The following TLN2 variants were observed in gnomAD, a reference collection of about 807,000 sequenced individuals.
The protein encoded by TLN2 is talin-2.
A neutral mutation model predicts 294.7 loss-of-function variants in TLN2; 118 were observed. That is an observed-to-expected ratio of 0.40 (90% CI 0.34 to 0.47). The LOEUF (loss-of-function observed/expected upper bound fraction) is 0.47. Ranked by LOEUF, TLN2 falls within the 20% of genes least tolerant of loss-of-function variation. The pLI is 0.84. For missense variants in TLN2, 3,083 were observed against 3,282.2 expected (o/e 0.94, Z 1.48); for synonymous variants, 1,431 against 1,304.5 (o/e 1.10, Z -2.09).
chr15:62,752,846 G>A (rs961139401), intron 35 of TLN2, among the ~76,000 whole-genome samples: 3 of 152,198 alleles, frequency 2.0e-5, no homozygotes, highest in South Asian at 2.1e-4. Context: ...GCAGAGACAT[G>A]ATATGGCACA....
chr15:62,435,784 C>T (rs2035260055), intron 1 of TLN2, among the ~76,000 whole-genome samples: 1 of 152,128 alleles, frequency 6.6e-6, no homozygotes. Context: ...TCAGGTGATC[C>T]ACCCTCCTTG....
At chr15:62,716,225 T>C in intron 22 of TLN2, 106 bp from the exon 23 acceptor site, 1 of 1,261,872 alleles carries the variant, frequency 7.9e-7, no homozygotes, top group South Asian at 2.5e-5. Context: ...GGCATTTGAC[T>C]ATCCTTGCAA....
chr15:62,828,635 G>A (rs1427567148), intron 54 of TLN2: 4 of 152,326 alleles, frequency 2.6e-5, no homozygotes, highest in East Asian at 1.9e-4. Flanking sequence ...CTCAAACAGG[G>A]CAGGAACTTG....
At chr15:62,818,040 C>T (rs1209272627) in intron 52 of TLN2, among the ~76,000 whole-genome samples, 3 of 152,012 alleles carry the variant, frequency 2.0e-5, no homozygotes, top group African/African-American at 7.3e-5. Flanking sequence ...TAACTCCTGA[C>T]CTCAGATGAT....
At chr15:62,499,189 C>G (rs2039172154) in intron 1 of TLN2, among the ~76,000 whole-genome samples, 1 of 152,134 alleles carries the variant, frequency 6.6e-6, no homozygotes, top group African/African-American at 2.4e-5. Flanking sequence ...GGGCTCACGC[C>G]TATAATCCCA....
intron 1 of TLN2, among the ~76,000 whole-genome samples, chr15:62,528,753 C>G (rs115220167): frequency 1.5e-5 from 2 of 132,380 alleles, no homozygotes; most frequent in African/African-American, 5.8e-5. Context: ...TCTTGGATAT[C>G]GATGAAGACT....
At chr15:62,585,741 C>T (rs1482541542) in intron 1 of TLN2, among the ~76,000 whole-genome samples, 1 of 152,162 alleles carries the variant, frequency 6.6e-6, no homozygotes, top group East Asian at 1.9e-4. Flanking sequence ...AAATAAGCTC[C>T]TATTTGCTTG....
In TLN2 at chr15:62,647,391, G is replaced by T; in HGVS notation, c.81G>T (p.Val27=). 1 of 1,614,228 alleles carries T rather than the reference G, an allele frequency of 6.2e-7. No individual in the cohort carries two copies. The highest frequency in any genetic ancestry group is 8.5e-7 in the Non-Finnish European group (1 of 1,180,038). ...KTMQFEPSTA[V]YDACRVIRER... Reference sequence around the variant, plus strand: ...TGCAGTTTGAACCATCTACAGCTGTGTACGATGCGTGTCGAGTCATTCGGG... The same window carrying T: ...TGCAGTTTGAACCATCTACAGCTGTTTACGATGCGTGTCGAGTCATTCGGG... The change falls in exon 4 of 59, where the codon GTG becomes GTT. Residue 27 remains valine (V), a synonymous_variant. Transcript: ENST00000636159.
At chr15:62,650,026 G>T (rs974178414) in intron 4 of TLN2, 58 bp from the exon 5 acceptor site, 1 of 1,558,704 alleles carries the variant, frequency 6.4e-7, no homozygotes, top group Non-Finnish European at 8.8e-7. Flanking sequence ...GGGCCTGGAA[G>T]TCAGTGATGG....
chr15:62,410,501 C>CT (rs1310509840), intron 1 of TLN2, among the ~76,000 whole-genome samples: 2 of 152,140 alleles, frequency 1.3e-5, no homozygotes, highest in East Asian at 3.9e-4. Flanking sequence ...TTTAGCCATG[C>CT]TTTTTGTGAA....
intron 29 of TLN2, 97 bp downstream of exon 29, chr15:62,737,183 C>G (rs2061068033): frequency 2.4e-6 from 3 of 1,240,206 alleles, no homozygotes; most frequent in African/African-American, 3.0e-5. Flanking sequence ...GATATGAACA[C>G]TGACACAGCA....
intron 25 of TLN2, among the ~76,000 whole-genome samples, 171 bp downstream of exon 25, chr15:62,720,051 T>A (rs556842259): frequency 6.6e-6 from 1 of 152,382 alleles, no homozygotes; most frequent in East Asian, 1.9e-4. Flanking sequence ...GGGTTCAGCT[T>A]GGCAAAGCAA....
chr15:62,679,624 G>C (rs568793461), intron 11 of TLN2, among the ~76,000 whole-genome samples: 1 of 152,306 alleles, frequency 6.6e-6, no homozygotes, highest in African/African-American at 2.4e-5. Flanking sequence ...TGGGAGATAG[G>C]GGAATGATGG....
intron 1 of TLN2, among the ~76,000 whole-genome samples, chr15:62,535,304 A>G (rs1027801019): frequency 5.3e-5 from 8 of 152,096 alleles, no homozygotes; most frequent in African/African-American, 1.9e-4. Context: ...TTCTGATGTA[A>G]TTGATTTGGG....
At chr15:62,635,579 C>A (rs1324082317) in intron 3 of TLN2, among the ~76,000 whole-genome samples, 1 of 152,120 alleles carries the variant, frequency 6.6e-6, no homozygotes, top group African/African-American at 2.4e-5. Context: ...TGGTATTTAT[C>A]TTTGAGTGGG....
At chr15:62,585,908 C>T (rs1171652116) in intron 1 of TLN2, among the ~76,000 whole-genome samples, 1 of 152,170 alleles carries the variant, frequency 6.6e-6, no homozygotes, top group African/African-American at 2.4e-5. Flanking sequence ...ACCCCCTGAG[C>T]TGGAGCGCAA....
At chr15:62,788,441 C>T (rs1567607898) in intron 45 of TLN2, among the ~76,000 whole-genome samples, 1 of 152,136 alleles carries the variant, frequency 6.6e-6, no homozygotes, top group Non-Finnish European at 1.5e-5. Context: ...TTCCATGTGC[C>T]TCTGCAAAGT....
At chr15:62,517,002 T>C (rs1292550906) in intron 1 of TLN2, among the ~76,000 whole-genome samples, 1 of 152,186 alleles carries the variant, frequency 6.6e-6, no homozygotes, top group East Asian at 1.9e-4. Context: ...ATTGAAGATA[T>C]TGCTGCTCCG....
chr15:62,706,944 G>A (rs979615928), intron 19 of TLN2, 142 bp from the exon 20 acceptor site: 57 of 979,154 alleles, frequency 5.8e-5, no homozygotes, highest in Non-Finnish European at 8.3e-5. Flanking sequence ...CTAAGGATAA[G>A]TTGACATTTC....
Sources: allele counts gnomAD v4.1 joint callset (sites outside exome capture counted in the v4.1 genomes callset), GRCh38; gene constraint gnomAD v4.1.1; transcripts MANE v1.5; gene names NCBI Gene and HGNC (gene_info 2026-07-23, HGNC 2026-07-21).